Variants in PCDHGC5 observed in about 807,000 individuals in gnomAD.
PCDHGC5 encodes the protein protocadherin gamma subfamily C, 5.
PCDHGC5 carries 25 observed loss-of-function variants against 59.0 expected under a neutral mutation model. That is an observed-to-expected ratio of 0.42 (90% CI 0.31 to 0.59). The LOEUF (loss-of-function observed/expected upper bound fraction) is 0.59. PCDHGC5 is among the 20% of genes least tolerant of loss of function. PCDHGC5 has a pLI of 0.13. For synonymous variants in PCDHGC5, 434 were observed against 505.5 expected (o/e 0.86, Z 1.90); for missense variants, 1,067 against 1,206.4 (o/e 0.88, Z 1.71).
At chr5:141,506,930 T>C (rs2099857287) in intron 3 of PCDHGC5, among the ~76,000 whole-genome samples, 1 of 152,150 alleles carries the variant, frequency 6.6e-6, no homozygotes, top group African/African-American at 2.4e-5. Context: ...AAACAAACTT[T>C]AGGGGCCTCC....
chr5:141,491,434 A>T lies in PCDHGC5; in HGVS notation c.2194A>T (p.Arg732Trp). 6.2e-7 allele frequency: 1 copy of T among 1,614,032 alleles called. No homozygotes were observed. Among genetic ancestry groups the T allele is most frequent in the Non-Finnish European group, 8.5e-7 (1 of 1,179,988 alleles). Residue 732 changes from arginine to tryptophan, a missense_variant, in exon 1 of 4, where the codon AGG becomes TGG. Arg to Trp is a moderately radical substitution (Grantham distance 101). Transcript: ENST00000252087. The surrounding 1 kb of genome is among the most constrained non-coding windows in gnomAD (Gnocchi z 6.9). ...GGACGGGGGTGGAGGGCAGTGCTGC[A>T]GGCGCCAGGACTCACCCTCCCCGGA... The part of the protein sequence containing the change: ...DGDGGGGQCC[R>W]RQDSPSPDFY...
Position 141,491,880 on chromosome 5 carries a change from G to C in PCDHGC5, c.2460+180G>C. ...GCGAAACCAGAGTGGCCGATTAAGG[G>C]ATGGGGCTCCGAGCACCGGGGGTGG... On this transcript the variant is annotated intron_variant, in intron 1 of 3. Transcript: ENST00000252087. This position sits in a 1 kb window ranked among gnomAD's most constrained non-coding sequence, Gnocchi z 6.9. 1 of 1,449,834 alleles carries C rather than the reference G, an allele frequency of 6.9e-7. No individual in the cohort carries two copies. 89.8% of individuals were successfully genotyped at this position (1,449,834 alleles called of 1,614,324 possible).
At chr5:141,500,672 C>A (rs2099801937) in intron 2 of PCDHGC5, among the ~76,000 whole-genome samples, 1 of 152,156 alleles carries the variant, frequency 6.6e-6, no homozygotes, top group South Asian at 2.1e-4. Context: ...TACTGTCCAA[C>A]AGAATTATAG....
At position 141,491,267 on chromosome 5, in the gene PCDHGC5, A is replaced by C. The variant is rs1376540913; in HGVS notation, c.2027A>C (p.Lys676Thr). ...GATGAGGACCCTGAGGAAATGCCCA[A>C]ATCCAGTGACTTCCTCATACACCCT... ...LEDEDPEEMP[K>T]SSDFLIHPPE... The change falls in exon 1 of 4, where the codon AAA (lysine) becomes ACA (threonine). Residue 676 changes from lysine (K) to threonine (T), a missense_variant. Lys to Thr is a moderately conservative substitution (Grantham distance 78, BLOSUM62 -1). Coordinates refer to ENST00000252087, the MANE Select transcript of PCDHGC5 (RefSeq NM_018929.3). This position sits in a 1 kb window ranked among gnomAD's most constrained non-coding sequence, Gnocchi z 6.9. The C allele has an allele frequency of 2.5e-6, 4 of 1,613,944 alleles. No individual in the cohort carries two copies. The highest frequency in any genetic ancestry group is 3.4e-6 in the Non-Finnish European group (4 of 1,179,936).
Position 141,491,307 on chromosome 5 carries a change from C to CCTTA in PCDHGC5, c.2069_2072dup (p.Leu692TyrfsTer53). On this transcript the variant is annotated frameshift_variant, in exon 1 of 4. Transcript: ENST00000252087. LOFTEE classifies it high-confidence loss of function. The surrounding 1 kb of genome is among the most constrained non-coding windows in gnomAD (Gnocchi z 6.9). ...TCATACACCCTCCTGAGCGTTCAGA[C>CCTTA]CTTACCCTTTACCTCATTGTGGCTC... 1 of 1,614,152 alleles carries CCTTA rather than the reference C, an allele frequency of 6.2e-7. No individual in the cohort carries two copies. Among genetic ancestry groups the CCTTA allele is most frequent in the Non-Finnish European group, 8.5e-7 (1 of 1,179,986 alleles).
At chr5:141,507,429 G>C (rs1191174823) in intron 3 of PCDHGC5, 3 of 152,238 alleles carry the variant, frequency 2.0e-5, no homozygotes, top group African/African-American at 7.2e-5. Flanking sequence ...AGTGGGGCCA[G>C]GCCTACAGCT....
chr5:141,497,031 A>G (rs898409925), intron 2 of PCDHGC5, among the ~76,000 whole-genome samples: 14 of 152,184 alleles, frequency 9.2e-5, no homozygotes, highest in African/African-American at 3.4e-4. Context: ...TCGATTAAAA[A>G]TACAAAAATT....
At chr5:141,494,069 C>T (rs1249076667) in intron 1 of PCDHGC5, among the ~76,000 whole-genome samples, 1 of 152,146 alleles carries the variant, frequency 6.6e-6, no homozygotes, top group Non-Finnish European at 1.5e-5. Context: ...GAGCTGGATC[C>T]CTCCCCGCTG....
Position 141,491,302 on chromosome 5 carries a change from T to TC in PCDHGC5, c.2063dup (p.Asp689ArgfsTer55). The TC allele has an allele frequency of 6.2e-7, 1 of 1,614,126 alleles. No individual in the cohort carries two copies. Among genetic ancestry groups the TC allele is most frequent in the Non-Finnish European group, 8.5e-7 (1 of 1,180,000 alleles). On this transcript the variant is annotated frameshift_variant, in exon 1 of 4. Transcript: ENST00000252087. LOFTEE classifies it high-confidence loss of function. The surrounding 1 kb of genome is among the most constrained non-coding windows in gnomAD (Gnocchi z 6.9). ...CTTCCTCATACACCCTCCTGAGCGT[T>TC]CAGACCTTACCCTTTACCTCATTGT... is the stretch of plus-strand genomic sequence containing the variant.
intron 1 of PCDHGC5, among the ~76,000 whole-genome samples, chr5:141,494,382 G>C (rs1311387598): frequency 6.6e-6 from 1 of 152,182 alleles, no homozygotes; most frequent in Non-Finnish European, 1.5e-5. Flanking sequence ...CCCAGCTGAG[G>C]AGTTGAATAA....
Position 141,489,560 on chromosome 5 carries a change from A to C in PCDHGC5, c.320A>C (p.Gln107Pro), listed in dbSNP as rs749076412. The change falls in exon 1 of 4, where the codon CAG (glutamine) becomes CCG (proline). Residue 107 changes from glutamine to proline, a missense_variant. Physicochemically the swap from Gln to Pro is moderately conservative, Grantham distance 76. Coordinates refer to ENST00000252087, the MANE Select transcript of PCDHGC5 (RefSeq NM_018929.3). This position sits in a 1 kb window ranked among gnomAD's most constrained non-coding sequence, Gnocchi z 4.5. Reference sequence around the variant, plus strand: ...AGCACCAGCTGCCTGCTGCCAGTGCAGGTGGTGACTGAACACCCCCTGGAG... The same window carrying C: ...AGCACCAGCTGCCTGCTGCCAGTGCCGGTGGTGACTGAACACCCCCTGGAG... ...GASTSCLLPVQVVTEHPLELI... is the reference protein window; with the variant it reads ...GASTSCLLPVPVVTEHPLELI... 2 of 1,614,142 alleles carry C rather than the reference A, an allele frequency of 1.2e-6. No individual in the cohort carries two copies. Among genetic ancestry groups the C allele is most frequent in the Admixed American group, 3.3e-5 (2 of 60,024 alleles).
Position 141,490,911 on chromosome 5 carries a change from G to C in PCDHGC5, c.1671G>C (p.Glu557Asp). The change falls in exon 1 of 4, where the codon GAG (glutamate) becomes GAC (aspartate). Residue 557 changes from glutamate to aspartate, a missense_variant. Physicochemically the swap from Glu to Asp is conservative, Grantham distance 45. Coordinates refer to ENST00000252087, the MANE Select transcript of PCDHGC5 (RefSeq NM_018929.3). The surrounding 1 kb of genome is among the most constrained non-coding windows in gnomAD (Gnocchi z 5.4). Reference protein sequence around the residue: ...NTSLHVFVLDENDNAPAVLHP... With the variant: ...NTSLHVFVLDDNDNAPAVLHP... ...CTCTGCATGTGTTTGTCCTAGACGA[G>C]AATGATAATGCCCCAGCTGTGCTGC... is the stretch of plus-strand genomic sequence containing the variant. The C allele has an allele frequency of 6.2e-7, 1 of 1,613,722 alleles. No homozygotes were observed. Among genetic ancestry groups the C allele is most frequent in the East Asian group, 2.2e-5 (1 of 44,870 alleles).
At chr5:141,500,250 C>T (rs913074120) in intron 2 of PCDHGC5, among the ~76,000 whole-genome samples, 4 of 149,826 alleles carry the variant, frequency 2.7e-5, no homozygotes, top group African/African-American at 9.9e-5. Flanking sequence ...GCTCTGTCAC[C>T]CAGGCTGGAC....
At chr5:141,510,286 A>G (rs1011677966) in intron 3 of PCDHGC5, among the ~76,000 whole-genome samples, 1 of 151,770 alleles carries the variant, frequency 6.6e-6, no homozygotes, top group African/African-American at 2.4e-5. Flanking sequence ...AAAAAAAAAA[A>G]AAAAATGCTG....
chr5:141,511,373 G>T lies in PCDHGC5; in HGVS notation c.*200G>T. On this transcript the variant is annotated 3_prime_UTR_variant, in exon 4 of 4. Transcript: ENST00000252087. ...CCCCCAGGGGGTTGAATATGCAAAA[G>T]CAGTTCCGCTGGGAACCCCCATCCA... 8.0e-7 allele frequency: 1 copy of T among 1,251,332 alleles called. No homozygotes were observed. The highest frequency in any genetic ancestry group is 1.6e-5 in the South Asian group (1 of 63,796). The allele number at this position is 1,251,332 out of a possible 1,614,324, so 77.5% of individuals were successfully genotyped here.
At chr5:141,503,363 G>A (rs2099819478) in intron 2 of PCDHGC5, among the ~76,000 whole-genome samples, 2 of 152,132 alleles carry the variant, frequency 1.3e-5, no homozygotes, top group East Asian at 1.9e-4. Context: ...TTGGGAAGCG[G>A]AGGCAGGTGG....
At position 141,489,094 on chromosome 5, in the gene PCDHGC5, G is replaced by GAAA. The variant is rs2154581134; in HGVS notation, c.-145_-144insAAA. On this transcript the variant is annotated 5_prime_UTR_variant, in exon 1 of 4. Coordinates refer to ENST00000252087, the MANE Select transcript of PCDHGC5 (RefSeq NM_018929.3). The surrounding 1 kb of genome is among the most constrained non-coding windows in gnomAD (Gnocchi z 4.5). ...CCCACCCCCGCCACTCGGTGACTAA[G>GAAA]AACTGCTGCAAGCAGGCAAACCTCC... The GAAA allele has an allele frequency of 5.1e-6, 2 of 396,028 alleles. No homozygotes were observed. Among genetic ancestry groups the GAAA allele is most frequent in the South Asian group, 4.8e-5 (1 of 20,814 alleles). The allele number at this position is 396,028 out of a possible 1,614,324, so 24.5% of individuals were successfully genotyped here.
chr5:141,491,493 G>A lies in PCDHGC5; in HGVS notation c.2253G>A (p.Val751=), dbSNP rs1008591563. The change falls in exon 1 of 4, where the codon GTG becomes GTA. Residue 751 remains valine (V), a synonymous_variant. Transcript: ENST00000252087. This position sits in a 1 kb window ranked among gnomAD's most constrained non-coding sequence, Gnocchi z 6.9. ...AGCAGTCCAGCCCCAACCTGCAGGT[G>A]AGCTCGGACGGCACGCTCAAGTACA... ...FYKQSSPNLQ[V]SSDGTLKYME... 6.2e-7 allele frequency: 1 copy of A among 1,614,000 alleles called. No homozygotes were observed. Among genetic ancestry groups the A allele is most frequent in the African/African-American group, 1.3e-5 (1 of 74,928 alleles).
rs188373658 is a variant in PCDHGC5 at position 141,492,228 on chromosome 5, C to T, written c.2460+528C>T. ...TGCGCGCGGGGCTCATGCGTGTCCT[C>T]CCTGCTGGCCACCCCCACGGCCCAC... On this transcript the variant is annotated intron_variant, in intron 1 of 3. Coordinates refer to ENST00000252087, the MANE Select transcript of PCDHGC5 (RefSeq NM_018929.3). Among the ~76,000 whole-genome samples the T allele has an allele frequency of 5.3e-5, 8 of 152,292 alleles. No individual in the cohort carries two copies. In the East Asian group the frequency reaches 1.2e-3, roughly 22 times the overall value.
Sources: allele counts gnomAD v4.1 joint callset (sites outside exome capture counted in the v4.1 genomes callset), GRCh38; gene constraint gnomAD v4.1.1; non-coding constraint Gnocchi (gnomAD v3.1); transcripts MANE v1.5; gene names NCBI Gene and HGNC (gene_info 2026-07-23, HGNC 2026-07-21).